The following DHRS7C variants were observed in gnomAD, a reference collection of about 807,000 sequenced individuals.
DHRS7C encodes the protein dehydrogenase/reductase 7C.
DHRS7C carries 28 observed loss-of-function variants against 29.6 expected under a neutral mutation model. The ratio of observed to expected loss-of-function variants is 0.95; its 90% confidence interval spans 0.70 to 1.30. The LOEUF is 1.30. DHRS7C is among the 50% of genes most tolerant of loss of function. The pLI, the probability that DHRS7C is intolerant of heterozygous loss-of-function variation, is 0.00. For synonymous variants in DHRS7C, 158 were observed against 160.2 expected (o/e 0.99, Z 0.10); for missense variants, 403 against 393.3 (o/e 1.02, Z -0.21).
At chr17:9,776,794 C>A (rs1423224529) in intron 4 of DHRS7C, among the ~76,000 whole-genome samples, 1 of 152,144 alleles carries the variant, frequency 6.6e-6, no homozygotes, top group Non-Finnish European at 1.5e-5. Flanking sequence ...GTGATGTGCA[C>A]CCACCCTTCT....
chr17:9,783,920 AAC>A (rs2066407304), intron 1 of DHRS7C, among the ~76,000 whole-genome samples: 2 of 151,442 alleles, frequency 1.3e-5, no homozygotes, highest in African/African-American at 4.8e-5. Context: ...CAGCCTGGGC[AAC>A]AGAGTGAGAC....
chr17:9,771,712 T>C lies in DHRS7C; in HGVS notation c.728-16A>G. ...CTGAAAAAGACTGAAAGGCCCCAGT[T>C]GGGGGCGGGGGTTATGACCTCCGTG... On this transcript the variant is annotated splice_polypyrimidine_tract_variant and intron_variant, in intron 5 of 5. Transcript: ENST00000571134. 6.9e-7 allele frequency: 1 copy of C among 1,443,294 alleles called. No individual in the cohort carries two copies. Among genetic ancestry groups the C allele is most frequent in the South Asian group, 1.5e-5 (1 of 65,450 alleles). The allele number at this position is 1,443,294 out of a possible 1,614,324, so 89.4% of individuals were successfully genotyped here.
chr17:9,779,498 T>C (rs1401461484), intron 3 of DHRS7C, among the ~76,000 whole-genome samples: 1 of 152,132 alleles, frequency 6.6e-6, no homozygotes, highest in African/African-American at 2.4e-5. Flanking sequence ...GAGACAATTG[T>C]TGGAGGATGA....
At chr17:9,781,001 T>C (rs2066389993) in intron 2 of DHRS7C, among the ~76,000 whole-genome samples, 1 of 152,136 alleles carries the variant, frequency 6.6e-6, no homozygotes, top group African/African-American at 2.4e-5. Flanking sequence ...GAAAAATATA[T>C]CCTGAAGGGA....
intron 1 of DHRS7C, among the ~76,000 whole-genome samples, chr17:9,781,826 C>A (rs916407498): frequency 6.6e-6 from 1 of 152,172 alleles, no homozygotes; most frequent in African/African-American, 2.4e-5. Flanking sequence ...GACAACTCCT[C>A]CTTTGTTAGA....
chr17:9,771,846 C>T, intron 5 of DHRS7C, 150 bp from the exon 6 acceptor site: 1 of 698,086 alleles, frequency 1.4e-6, no homozygotes. Flanking sequence ...CCGCGGACCG[C>T]GGCGACCAGC....
chr17:9,789,448 A>G (rs916507038), intron 1 of DHRS7C, among the ~76,000 whole-genome samples: 4 of 152,222 alleles, frequency 2.6e-5, no homozygotes, highest in Admixed American at 6.5e-5. Flanking sequence ...GAGGATGTCA[A>G]CCAAGCATTG....
chr17:9,786,104 CCT>C, intron 1 of DHRS7C, among the ~76,000 whole-genome samples: 1 of 151,866 alleles, frequency 6.6e-6, no homozygotes, highest in Admixed American at 6.6e-5. Flanking sequence ...GGGTGGATTA[CCT>C]GAGGTCAGGA....
At position 9,775,387 on chromosome 17, in the gene DHRS7C, T is replaced by C. The variant is rs2066356388; in HGVS notation, c.571+1806A>G. On this transcript the variant is annotated intron_variant, in intron 4 of 5. Coordinates refer to ENST00000571134, the MANE Select transcript of DHRS7C (RefSeq NM_001105571.3). The surrounding 1 kb of genome is among the most constrained non-coding windows in gnomAD (Gnocchi z 4.2). ...TCCCTTGCACTTAGGTGCGACTGAG[T>C]TCTCCCAATAGGATGTGAGCAGCGG... Among the ~76,000 whole-genome samples the C allele has an allele frequency of 6.6e-6, 1 of 152,146 alleles. No individual in the cohort carries two copies. The highest frequency in any genetic ancestry group is 1.5e-5 in the Non-Finnish European group (1 of 68,014).
At chr17:9,772,201 G>A (rs1004140863) in intron 5 of DHRS7C, among the ~76,000 whole-genome samples, 1 of 152,156 alleles carries the variant, frequency 6.6e-6, no homozygotes, top group African/African-American at 2.4e-5. Context: ...GGGGCTGGTT[G>A]CTATTCCAGA....
chr17:9,777,167 A>G (rs774461977), intron 4 of DHRS7C, 26 bp downstream of exon 4: 12 of 1,583,946 alleles, frequency 7.6e-6, no homozygotes, highest in Non-Finnish European at 1.0e-5. Flanking sequence ...AACAGAAGAT[A>G]TCATATTTTT....
Position 9,791,251 on chromosome 17 carries a change from G to A in DHRS7C, c.34C>T (p.Leu12=). 1 of 1,613,800 alleles carries A rather than the reference G, an allele frequency of 6.2e-7. No homozygotes were observed. The highest frequency in any genetic ancestry group is 8.5e-7 in the Non-Finnish European group (1 of 1,179,818). Residue 12 remains leucine (L), a synonymous_variant, in exon 1 of 6, where the codon CTG becomes TTG. Coordinates refer to ENST00000571134, the MANE Select transcript of DHRS7C (RefSeq NM_001105571.3). The part of the protein sequence containing the change: ...GVMAMLMLPL[L]LLGISGLLFI... Reference sequence around the variant, plus strand: ...AGGAGGCCGCTGATTCCCAGCAGCAGCAGGGGGAGCATCAGCATGGCCATG... The same window carrying A: ...AGGAGGCCGCTGATTCCCAGCAGCAACAGGGGGAGCATCAGCATGGCCATG...
At position 9,791,422 on chromosome 17, in the gene DHRS7C, C is replaced by T. The variant is rs1304697467; in HGVS notation, c.-138G>A. 1.0e-5 allele frequency: 9 copies of T among 879,334 alleles called. No individual in the cohort carries two copies. The highest frequency in any genetic ancestry group is 6.2e-5 in the Admixed American group (2 of 32,152). 54.5% of individuals were successfully genotyped at this position (879,334 alleles called of 1,614,324 possible). A position where few individuals can be genotyped will look rare whatever the true frequency, so the allele number is the denominator to read the frequency against. On this transcript the variant is annotated 5_prime_UTR_variant, in exon 1 of 6. Transcript: ENST00000571134. ...GCCTCCAAGCTGAACACCCAGTGGG[C>T]GTGCTAATCCCCAAATGTTCAACAA...
Position 9,777,187 on chromosome 17 carries a change from A to T in DHRS7C, c.571+6T>A. 1 of 1,610,124 alleles carries T rather than the reference A, an allele frequency of 6.2e-7. No homozygotes were observed. Among genetic ancestry groups the T allele is most frequent in the Non-Finnish European group, 8.5e-7 (1 of 1,177,254 alleles). On this transcript the variant is annotated splice_donor_region_variant and intron_variant, in intron 4 of 5. Transcript: ENST00000571134. Reference sequence around the variant, plus strand: ...AAGATATCATATTTTTATCTTAGCAACTTACAAGTCGTACGGAACGGGATT... The same window carrying T: ...AAGATATCATATTTTTATCTTAGCATCTTACAAGTCGTACGGAACGGGATT...
At position 9,775,067 on chromosome 17, in the gene DHRS7C, C is replaced by T. The variant is rs914927938; in HGVS notation, c.571+2126G>A. 1.2e-4 allele frequency among the ~76,000 whole-genome samples: 18 copies of T among 152,192 alleles called. No individual in the cohort carries two copies. The highest frequency in any genetic ancestry group is 2.7e-4 in the African/African-American group (11 of 41,450). ...GTCCTATACGGGTCAGTGGCCAAAG[C>T]GCCCATTGTCATGCCCATGTCTCAT... is the stretch of plus-strand genomic sequence containing the variant. On this transcript the variant is annotated intron_variant, in intron 4 of 5. Transcript: ENST00000571134. This position sits in a 1 kb window ranked among gnomAD's most constrained non-coding sequence, Gnocchi z 4.2.
intron 1 of DHRS7C, among the ~76,000 whole-genome samples, chr17:9,785,443 T>TG (rs2152018204): frequency 6.6e-6 from 1 of 152,232 alleles, no homozygotes; most frequent in South Asian, 2.1e-4. Context: ...ACCTCTTCAT[T>TG]GGGGGTGGCC....
chr17:9,783,698 G>C (rs925203701), intron 1 of DHRS7C, among the ~76,000 whole-genome samples: 5 of 152,200 alleles, frequency 3.3e-5, no homozygotes, highest in African/African-American at 1.2e-4. Context: ...GGGCGCGGTG[G>C]CTCATGCCTG....
chr17:9,784,797 T>G (rs965194486), intron 1 of DHRS7C, among the ~76,000 whole-genome samples: 3 of 152,156 alleles, frequency 2.0e-5, no homozygotes, highest in Non-Finnish European at 4.4e-5. Flanking sequence ...AAAACAAAAT[T>G]GGAAATAGTC....
Position 9,779,891 on chromosome 17 carries a change from T to A in DHRS7C, c.412A>T (p.Ile138Phe), listed in dbSNP as rs1296179025. The change falls in exon 3 of 6, where the codon ATT becomes TTT. Residue 138 changes from isoleucine (I) to phenylalanine (F), a missense_variant. Ile to Phe is a conservative substitution (Grantham distance 21, BLOSUM62 0). Transcript: ENST00000571134. ...ATCTTTTTGTCGAGCTCCAGAGAAA[T>A]CTTATGGGCAGGCCCCTTCACCTTC... ...SVKVKGPAHK[I>F]SLELDKKIMD... 6.2e-7 allele frequency: 1 copy of A among 1,613,796 alleles called. No homozygotes were observed. The highest frequency in any genetic ancestry group is 1.7e-5 in the Admixed American group (1 of 59,994).
Sources: gnomAD v4.1 joint callset for allele counts (sites outside exome capture counted in the v4.1 genomes callset) on GRCh38, gnomAD v4.1.1 for gene constraint, Gnocchi (gnomAD v3.1) non-coding constraint, MANE v1.5 for transcripts, NCBI Gene and HGNC (gene_info 2026-07-23, HGNC 2026-07-21) for gene names.